PAK3: variants seen among roughly 807,000 people sequenced by gnomAD.
The protein encoded by PAK3 is serine/threonine-protein kinase PAK 3.
In PAK3, 4 loss-of-function variants were observed where a neutral mutation model predicts 41.0. The ratio of observed to expected loss-of-function variants is 0.10; its 90% CI spans 0.05 to 0.22. PAK3 has a LOEUF of 0.22. Among genes scored for constraint, PAK3 ranks in the 10% least tolerant of loss-of-function variants. PAK3 has a pLI of 1.00. For synonymous variants in PAK3, 146 were observed against 139.6 expected (o/e 1.05, Z -0.32); for missense variants, 205 against 409.9 (o/e 0.50, Z 4.32).
intron 1 of PAK3, among the ~76,000 whole-genome samples, chrX:111,020,184 T>C (rs1172051018): frequency 9.0e-6 from 1 of 111,500 alleles, no homozygotes; most frequent in Non-Finnish European, 1.9e-5. Context: ...CACCAACAGA[T>C]GAATAAAGAA....
chrX:110,962,518 A>G (rs1268716846), intron 1 of PAK3, among the ~76,000 whole-genome samples: 1 of 112,607 alleles, frequency 8.9e-6, no homozygotes, highest in East Asian at 2.8e-4. Flanking sequence ...TCCACCATGC[A>G]AACCTTACTT....
intron 1 of PAK3, among the ~76,000 whole-genome samples, chrX:111,064,184 C>A (rs1346343926): frequency 1.8e-5 from 2 of 112,178 alleles, no homozygotes; most frequent in Non-Finnish European, 3.8e-5. Context: ...CGAATAATTT[C>A]TTATTTGAAG....
At chrX:110,955,240 C>T (rs1249491467) in intron 1 of PAK3, among the ~76,000 whole-genome samples, 1 of 111,839 alleles carries the variant, frequency 8.9e-6, no homozygotes, top group Non-Finnish European at 1.9e-5. Flanking sequence ...TTGAAGTAGC[C>T]GAACTTTTCA....
intron 1 of PAK3, among the ~76,000 whole-genome samples, chrX:111,062,856 T>TC (rs1411677418): frequency 6.3e-5 from 6 of 95,341 alleles, no homozygotes; most frequent in African/African-American, 2.2e-4. Flanking sequence ...TTTTTTTTTT[T>TC]CTGCCTCAGA....
chrX:111,188,770 C>T (rs1050062149), intron 11 of PAK3, among the ~76,000 whole-genome samples: 1 of 111,995 alleles, frequency 8.9e-6, no homozygotes, highest in Non-Finnish European at 1.9e-5. Flanking sequence ...ATAGATTGTG[C>T]CATGCACAAT....
chrX:110,951,450 G>GGA (rs1406372130), intron 1 of PAK3, among the ~76,000 whole-genome samples: 1 of 111,982 alleles, frequency 8.9e-6, no homozygotes, highest in Non-Finnish European at 1.9e-5. Flanking sequence ...CCTAGGATTA[G>GGA]ATTTGTTCAG....
rs1368434578 is a variant in PAK3, at chrX:110,979,291, C to CTTTTT, written c.-28+34667_-28+34668insTTTTT. Among the ~76,000 whole-genome samples, 10 of 19,825 alleles carry CTTTTT rather than the reference C, an allele frequency of 5.0e-4. 1 individual carries two copies. The highest frequency in any genetic ancestry group is 6.9e-4 in the Non-Finnish European group (4 of 5,820). The allele number at this position is 19,825 out of a possible 115,157, so 17.2% of individuals were successfully genotyped here. A position where few individuals can be genotyped will look rare whatever the true frequency, so the allele number is the denominator to read the frequency against. On this transcript the variant is annotated intron_variant, in intron 1 of 14. Transcript: ENST00000425146. Reference sequence around the variant, plus strand: ...CTTGTTTTATTCATTTTCTCTATTACTTTTCTTTTTTTTTTTTTTTTTTTT... The same window carrying CTTTTT: ...CTTGTTTTATTCATTTTCTCTATTACTTTTTTTTTCTTTTTTTTTTTTTTTTTTTT...
chrX:111,042,061 T>C (rs2092457561), intron 1 of PAK3, among the ~76,000 whole-genome samples: 2 of 112,307 alleles, frequency 1.8e-5, no homozygotes, highest in South Asian at 7.5e-4. Flanking sequence ...TTTAAAGTGT[T>C]TTTCTGTTTT....
chrX:111,069,248 T>C (rs140087899), intron 1 of PAK3, among the ~76,000 whole-genome samples: 192 of 112,036 alleles, frequency 1.7e-3, no homozygotes, highest in African/African-American at 6.1e-3. Context: ...TTGACTTATC[T>C]AATCCTACTG....
At chrX:111,199,132 C>T (rs1271109611) in intron 16 of PAK3, among the ~76,000 whole-genome samples, 2 of 111,017 alleles carry the variant, frequency 1.8e-5, no homozygotes, top group Non-Finnish European at 3.8e-5. Flanking sequence ...AACTGGACAT[C>T]GTTGGTGTAT....
intron 8 of PAK3, among the ~76,000 whole-genome samples, chrX:111,155,281 G>A (rs755914438): frequency 1.8e-5 from 2 of 109,914 alleles, no homozygotes; most frequent in African/African-American, 6.6e-5. Flanking sequence ...TGGGCAGATC[G>A]CTTGAGCCTA....
upstream of PAK3, among the ~76,000 whole-genome samples, chrX:111,095,401 C>A (rs1603198076): frequency 1.8e-5 from 2 of 111,543 alleles, no homozygotes; most frequent in South Asian, 3.8e-4. Context: ...TTTACATAAT[C>A]TAGCCAAATC....
At chrX:110,965,064 C>T (rs1256356753) in intron 1 of PAK3, among the ~76,000 whole-genome samples, 1 of 112,060 alleles carries the variant, frequency 8.9e-6, no homozygotes. Flanking sequence ...TCCTGACCGT[C>T]CAGACAGGGA....
chrX:110,996,700 A>G (rs2091746871), intron 1 of PAK3, among the ~76,000 whole-genome samples: 1 of 111,693 alleles, frequency 9.0e-6, no homozygotes, highest in South Asian at 3.8e-4. Context: ...AAGAAGTCAT[A>G]TAAGCATACA....
Position 111,081,198 on chromosome X carries a change from C to T in PAK3, c.-27-41879C>T, listed in dbSNP as rs189739589. Among the ~76,000 whole-genome samples, 17 of 111,446 alleles carry T rather than the reference C, an allele frequency of 1.5e-4. 1 individual carries two copies. Among genetic ancestry groups the T allele is most frequent in the Admixed American group, 1.1e-3 (12 of 10,502 alleles). On this transcript the variant is annotated intron_variant, in intron 1 of 14. Transcript: ENST00000425146. ...GTAGTTAATAAGAACATATTGTATT[C>T]TTAAAAATTGCTGGCCAGGTACGGT...
At chrX:111,041,540 G>A (rs750478565) in intron 1 of PAK3, among the ~76,000 whole-genome samples, 1 of 111,705 alleles carries the variant, frequency 9.0e-6, no homozygotes, top group Non-Finnish European at 1.9e-5. Context: ...GCAAATCATG[G>A]CATTTGTGGC....
At chrX:111,016,941 T>G (rs2092101177) in intron 1 of PAK3, among the ~76,000 whole-genome samples, 1 of 111,573 alleles carries the variant, frequency 9.0e-6, no homozygotes, top group Non-Finnish European at 1.9e-5. Flanking sequence ...GGGCTCTCAG[T>G]GCTAAATAGT....
chrX:111,184,055 G>T (rs1038168402), intron 11 of PAK3, among the ~76,000 whole-genome samples: 2 of 111,309 alleles, frequency 1.8e-5, no homozygotes, highest in Admixed American at 9.6e-5. Context: ...CTGGGCTTCA[G>T]ATTTCTCATT....
intron 5 of PAK3, 106 bp downstream of exon 5, chrX:111,123,384 C>T (rs775150736): frequency 7.8e-6 from 5 of 641,122 alleles, no homozygotes; most frequent in African/African-American, 4.4e-5. Flanking sequence ...CAGGGCCTGC[C>T]GGCCCTTTAC....
Sources: gnomAD v4.1 joint callset for allele counts (sites outside exome capture counted in the v4.1 genomes callset) on GRCh38, gnomAD v4.1.1 for gene constraint, MANE v1.5 for transcripts, NCBI Gene and HGNC (gene_info 2026-07-23, HGNC 2026-07-21) for gene names.